Variants in XYLB observed in about 807,000 individuals in gnomAD.
XYLB encodes xylulokinase.
In XYLB, 62 loss-of-function variants were observed where a neutral mutation model predicts 78.7. The ratio of observed to expected loss-of-function variants is 0.79; its 90% CI spans 0.64 to 0.97. The LOEUF (loss-of-function observed/expected upper bound fraction) is 0.97, where lower values mean the gene tolerates loss of function less well. XYLB is among the 50% of genes least tolerant of loss of function. The pLI, the probability that XYLB is intolerant of heterozygous loss-of-function variation, is 0.00. For synonymous variants in XYLB, 245 were observed against 247.4 expected, an observed-to-expected ratio of 0.99 and a Z score of 0.09; for missense variants, 687 against 676.8, an observed-to-expected ratio of 1.02 and a Z score of -0.17.
chr3:38,356,194 T>C (rs1403504244), intron 2 of XYLB: 1 of 154,206 alleles, frequency 6.5e-6, no homozygotes, highest in African/African-American at 2.5e-5. Flanking sequence ...GAGTTTGTAG[T>C]GAGCCGAGAT....
Position 38,412,921 on chromosome 3 carries a change from T to G in XYLB, c.1534-15T>G, listed in dbSNP as rs771354399. On this transcript the variant is annotated splice_polypyrimidine_tract_variant and intron_variant, in intron 18 of 18. Transcript: ENST00000207870. The stretch of plus-strand genomic sequence containing the variant: ...TTTCCCCCTCTGTTCTAAACTGCTT[T>G]TTCTGCCCTTCTAGGTCTACGAGGC... 8.7e-6 allele frequency: 14 copies of G among 1,600,964 alleles called. No individual in the cohort carries two copies. The East Asian group carries it at 2.8e-4, about 31-fold the overall frequency.
intron 2 of XYLB, among the ~76,000 whole-genome samples, chr3:38,359,761 G>T (rs1413490766): frequency 6.6e-6 from 1 of 152,146 alleles, no homozygotes; most frequent in East Asian, 1.9e-4. Flanking sequence ...GAATTGAATG[G>T]CTAGATCACA....
chr3:38,406,668 C>T (rs62239904), intron 18 of XYLB, among the ~76,000 whole-genome samples: 9,254 of 152,058 alleles, frequency 0.061, 449 homozygotes, highest in East Asian at 0.19. Flanking sequence ...CTAGAATAAC[C>T]AATACAGAGA....
rs58457623 is a variant in XYLB, at chr3:38,351,171, C to CAAAAAAAAAAAAAAAAAAAAAAAAAAAA, written c.140+2540_140+2567dup. Among the ~76,000 whole-genome samples the CAAAAAAAAAAAAAAAAAAAAAAAAAAAA allele has an allele frequency of 8.7e-4, 20 of 23,086 alleles. 4 individuals carry two copies. The highest frequency in any genetic ancestry group is 2.0e-3 in the South Asian group (1 of 488). 15.1% of individuals were successfully genotyped at this position (23,086 alleles called of 152,430 possible). A position where few individuals can be genotyped will look rare whatever the true frequency, so the allele number is the denominator to read the frequency against. ...TGGACAACAGAGGGAGAGCCTGTCTCAAAAAAAAAAAAAAAAAAAAAAAAA... is the reference window on the plus strand; with the variant it reads ...TGGACAACAGAGGGAGAGCCTGTCTCAAAAAAAAAAAAAAAAAAAAAAAAAAAAAAAAAAAAAAAAAAAAAAAAAAAAA... On this transcript the variant is annotated intron_variant, in intron 2 of 18. Coordinates refer to ENST00000207870, the MANE Select transcript of XYLB (RefSeq NM_005108.4).
chr3:38,430,603 G>T, the XYLB span, among the ~76,000 whole-genome samples: 2 of 152,112 alleles, frequency 1.3e-5, no homozygotes, highest in Non-Finnish European at 2.9e-5. Flanking sequence ...CATTGCTTTT[G>T]GTGTTTTAGT....
Position 38,376,161 on chromosome 3 carries a change from C to G in XYLB, c.1049C>G (p.Ser350Cys), listed in dbSNP as rs1340848513. The change falls in exon 13 of 19, where the codon TCT becomes TGT. Residue 350 changes from serine to cysteine, a missense_variant. Ser to Cys is a moderately radical substitution (Grantham distance 112). Transcript: ENST00000207870. ...ATGAGAGAGAAGATCCGCAACGAGT[C>G]TGTATCCCGTTCCTGGAGCGATTTC... ...SLMREKIRNE[S>C]VSRSWSDFSK... 2.5e-6 allele frequency: 4 copies of G among 1,614,024 alleles called. No individual in the cohort carries two copies. Among genetic ancestry groups the G allele is most frequent in the Non-Finnish European group, 3.4e-6 (4 of 1,180,002 alleles).
intron 15 of XYLB, among the ~76,000 whole-genome samples, 166 bp downstream of exon 15, chr3:38,379,508 T>C (rs1197195236): frequency 1.3e-5 from 2 of 152,168 alleles, no homozygotes; most frequent in Non-Finnish European, 2.9e-5. Flanking sequence ...AAAGTGTCAA[T>C]TGGCACTTGT....
intron 18 of XYLB, among the ~76,000 whole-genome samples, chr3:38,410,628 C>T (rs1402742186): frequency 6.6e-6 from 1 of 152,150 alleles, no homozygotes; most frequent in East Asian, 1.9e-4. Flanking sequence ...TTTTTGCAAT[C>T]TACTCATCTG....
At chr3:38,421,844 C>T (rs1708988817), downstream of XYLB, among the ~76,000 whole-genome samples, 1 of 152,288 alleles carries the variant, frequency 6.6e-6, no homozygotes, top group South Asian at 2.1e-4. Context: ...TGGCCTGACC[C>T]TCCGAATCTT....
chr3:38,351,944 C>T (rs1705388041), intron 2 of XYLB, among the ~76,000 whole-genome samples: 1 of 152,172 alleles, frequency 6.6e-6, no homozygotes, highest in African/African-American at 2.4e-5. Flanking sequence ...GGGGTTGTTT[C>T]TCTTTTCTGT....
chr3:38,410,445 A>G (rs1394406798), intron 18 of XYLB, among the ~76,000 whole-genome samples: 1 of 152,154 alleles, frequency 6.6e-6, no homozygotes, highest in African/African-American at 2.4e-5. Context: ...AGGAAAACCT[A>G]GGCATTACCA....
chr3:38,393,579 G>C (rs1399556977), intron 15 of XYLB, among the ~76,000 whole-genome samples: 1 of 152,180 alleles, frequency 6.6e-6, no homozygotes. Flanking sequence ...CAGAATGGGT[G>C]GCTTAAGCAA....
rs1191095745 is a variant in XYLB at position 38,414,189 on chromosome 3, G to A, written c.*1176G>A. On this transcript the variant is annotated 3_prime_UTR_variant, in exon 19 of 19. Coordinates refer to ENST00000207870, the MANE Select transcript of XYLB (RefSeq NM_005108.4). ...TTCTCACCCAGAGTGACAAAATCCTGCAGATAGGTTTAAGACCTAGTGGCT... is the reference window on the plus strand; with the variant it reads ...TTCTCACCCAGAGTGACAAAATCCTACAGATAGGTTTAAGACCTAGTGGCT... The A allele has an allele frequency of 6.6e-6, 1 of 152,208 alleles. No homozygotes were observed. The highest frequency in any genetic ancestry group is 1.9e-4 in the East Asian group (1 of 5,198). 9.4% of individuals were successfully genotyped at this position (152,208 alleles called of 1,614,324 possible). A position where few individuals can be genotyped will look rare whatever the true frequency, so the allele number is the denominator to read the frequency against.
rs570404737 is a variant in XYLB, at chr3:38,376,092, C to T, written c.1005-25C>T. ...CAGTCAGCAAGCACCAGCTCCCTCC[C>T]TCAGAGCTATGCCCTCTTCTGCAGC... On this transcript the variant is annotated intron_variant, in intron 12 of 18. Coordinates refer to ENST00000207870, the MANE Select transcript of XYLB (RefSeq NM_005108.4). 11 of 1,525,884 alleles carry T rather than the reference C, an allele frequency of 7.2e-6. No individual in the cohort carries two copies. In the South Asian group the frequency reaches 1.2e-4, roughly 17 times the overall value. The allele number at this position is 1,525,884 out of a possible 1,614,324, so 94.5% of individuals were successfully genotyped here.
At chr3:38,387,295 C>T (rs1707423425) in intron 15 of XYLB, among the ~76,000 whole-genome samples, 2 of 151,174 alleles carry the variant, frequency 1.3e-5, no homozygotes, top group African/African-American at 2.4e-5. Context: ...TCCCATAGGA[C>T]TTTGATTTTC....
intron 12 of XYLB, 147 bp downstream of exon 12, chr3:38,375,406 A>C: frequency 1.4e-6 from 1 of 692,418 alleles, no homozygotes; most frequent in South Asian, 1.8e-5. Context: ...TGAGACCCCC[A>C]AGGACTCACC....
the XYLB span, among the ~76,000 whole-genome samples, chr3:38,440,464 A>AC: frequency 6.6e-6 from 1 of 152,166 alleles, no homozygotes; most frequent in African/African-American, 2.4e-5. Flanking sequence ...CTTACTGAAT[A>AC]CCCATTGTGT....
intron 18 of XYLB, among the ~76,000 whole-genome samples, chr3:38,410,385 A>C (rs1708524080): frequency 6.6e-6 from 1 of 152,234 alleles, no homozygotes; most frequent in Non-Finnish European, 1.5e-5. Flanking sequence ...AAATCAATTC[A>C]AGATGGATTA....
chr3:38,360,122 G>A (rs1705885910), intron 2 of XYLB, among the ~76,000 whole-genome samples: 1 of 152,148 alleles, frequency 6.6e-6, no homozygotes, highest in Non-Finnish European at 1.5e-5. Flanking sequence ...ATGCTTCTGA[G>A]AATTGCCACA....
Sources: gnomAD v4.1 joint callset for allele counts (sites outside exome capture counted in the v4.1 genomes callset) on GRCh38, gnomAD v4.1.1 for gene constraint, MANE v1.5 for transcripts, NCBI Gene and HGNC (gene_info 2026-07-23, HGNC 2026-07-21) for gene names.